Variants in INSL6 observed in about 807,000 individuals in gnomAD.
INSL6 encodes insulin-like peptide INSL6.
Under a neutral mutation model 9.4 loss-of-function variants are expected in INSL6, and 16 were observed. The observed-to-expected ratio is 1.70, with a 90% CI of 1.15 to 2.59. The LOEUF is 2.59. Ranked by LOEUF, INSL6 falls within the 30% of genes most tolerant of loss-of-function variation. The probability of loss-of-function intolerance (pLI) is 0.00; values close to 1 mark genes in which losing one functional copy is unlikely to be tolerated. For missense variants in INSL6, 391 were observed against 257.3 expected (o/e 1.52, Z -3.56); for synonymous variants, 154 against 96.9 (o/e 1.59, Z -3.46).
the INSL6 span, chr9:5,050,564 C>G: frequency 1.0e-6 from 1 of 997,256 alleles, no homozygotes; most frequent in Non-Finnish European, 1.5e-6. Context: ...AGCCACTGAG[C>G]CTGGCCAATT....
At chr9:5,135,837 T>G (rs957399093) in intron 2 of INSL6, among the ~76,000 whole-genome samples, 2 of 151,882 alleles carry the variant, frequency 1.3e-5, no homozygotes, top group African/African-American at 4.8e-5. Context: ...ATCCAGGAGC[T>G]GGTTTTTTGA....
At chr9:5,179,867 G>C (rs1466192722) in intron 1 of INSL6, among the ~76,000 whole-genome samples, 2 of 152,166 alleles carry the variant, frequency 1.3e-5, no homozygotes, top group African/African-American at 2.4e-5. Flanking sequence ...GGAAGGGAAA[G>C]TATCAGGAGG....
chr9:5,082,087 C>G, the INSL6 span, among the ~76,000 whole-genome samples: 7 of 152,118 alleles, frequency 4.6e-5, no homozygotes, highest in Non-Finnish European at 1.0e-4. Flanking sequence ...CAGGTGGGAC[C>G]AGAGACTGAG....
At chr9:5,078,252 T>C in the INSL6 span, 2 of 1,444,884 alleles carry the variant, frequency 1.4e-6, no homozygotes, top group Non-Finnish European at 1.9e-6. Flanking sequence ...ACATACTAAA[T>C]GCTCCAGTAC....
At chr9:5,091,578 C>G in the INSL6 span, 1 of 151,836 alleles carries the variant, frequency 6.6e-6, no homozygotes, top group Non-Finnish European at 1.5e-5. Context: ...GTATTTTTGT[C>G]GCAATTGAAA....
In INSL6 at chr9:5,185,386, C is replaced by T. The variant is rs539770695; in HGVS notation, c.217G>A (p.Glu73Lys). Residue 73 changes from glutamate (E) to lysine (K), a missense_variant, in exon 1 of 2, where the codon GAA (glutamate) becomes AAA (lysine). Glu to Lys is a moderately conservative substitution (Grantham distance 56). Coordinates refer to ENST00000381641, the MANE Select transcript of INSL6 (RefSeq NM_007179.3). ...TCGAACTGGTATGGGCTGTAGGCTTCGACCTTCTCCGAGGCCTGTGCAATC... is the reference window on the plus strand; with the variant it reads ...TCGAACTGGTATGGGCTGTAGGCTTTGACCTTCTCCGAGGCCTGTGCAATC... Reference protein sequence around the residue: ...RLIAQASEKVEAYSPYQFESP... With the variant: ...RLIAQASEKVKAYSPYQFESP... 1.2e-5 allele frequency: 19 copies of T among 1,614,148 alleles called. No individual in the cohort carries two copies. In the African/African-American group the frequency reaches 1.6e-4, roughly 14 times the overall value.
At chr9:5,127,310 G>T (rs1471284635) in intron 3 of INSL6, 1 of 232,032 alleles carries the variant, frequency 4.3e-6, no homozygotes, top group East Asian at 6.1e-5. Context: ...AAGATGTTCA[G>T]ATAATTGAAT....
the INSL6 span, among the ~76,000 whole-genome samples, chr9:5,003,296 A>C: frequency 6.6e-6 from 1 of 152,024 alleles, no homozygotes; most frequent in Non-Finnish European, 1.5e-5. Flanking sequence ...CTATAGATTA[A>C]TTTGGAAAAG....
At chr9:5,049,196 CTTTA>C in the INSL6 span, among the ~76,000 whole-genome samples, 1 of 152,182 alleles carries the variant, frequency 6.6e-6, no homozygotes, top group African/African-American at 2.4e-5. Context: ...CGTAAATACA[CTTTA>C]TTTTCTTCAA....
chr9:5,013,190 T>C, the INSL6 span, among the ~76,000 whole-genome samples: 141 of 152,324 alleles, frequency 9.3e-4, 1 homozygote, highest in Non-Finnish European at 1.8e-3. Context: ...AGCACTTTTT[T>C]TCTAATAACT....
At chr9:4,992,429 T>G in the INSL6 span, among the ~76,000 whole-genome samples, 1 of 152,166 alleles carries the variant, frequency 6.6e-6, no homozygotes, top group Non-Finnish European at 1.5e-5. Context: ...AGTGGCAAGT[T>G]CACACTGCAG....
At chr9:5,086,812 T>C in the INSL6 span, among the ~76,000 whole-genome samples, 60 of 152,310 alleles carry the variant, frequency 3.9e-4, no homozygotes, top group East Asian at 7.9e-3. Flanking sequence ...TTTCTTCTTA[T>C]TGGAACGTAA....
intron 2 of INSL6, among the ~76,000 whole-genome samples, chr9:5,152,427 G>C (rs1586864672): frequency 1.3e-5 from 2 of 151,970 alleles, no homozygotes; most frequent in East Asian, 1.9e-4. Context: ...TGAAACATTA[G>C]CAATTTTAAA....
At chr9:5,089,979 C>T in the INSL6 span, 7 of 560,878 alleles carry the variant, frequency 1.2e-5, no homozygotes, top group African/African-American at 7.8e-5. Context: ...GAGGGAGAGG[C>T]ATTCTATAAT....
At chr9:5,149,543 A>T (rs1052045296) in intron 2 of INSL6, among the ~76,000 whole-genome samples, 1 of 152,212 alleles carries the variant, frequency 6.6e-6, no homozygotes, top group African/African-American at 2.4e-5. Flanking sequence ...AAGGATATGA[A>T]AGATCTCTAT....
At chr9:5,156,190 T>C (rs768107660) in intron 2 of INSL6, among the ~76,000 whole-genome samples, 16 of 152,202 alleles carry the variant, frequency 1.1e-4, no homozygotes, top group Non-Finnish European at 2.4e-4. Context: ...AGTAGATCTA[T>C]AACTTTTCAA....
At chr9:5,162,626 A>C (rs1824950349), downstream of INSL6, among the ~76,000 whole-genome samples, 1 of 152,184 alleles carries the variant, frequency 6.6e-6, no homozygotes, top group Non-Finnish European at 1.5e-5. Flanking sequence ...ACCGTAATAT[A>C]ATCTGTCATT....
chr9:5,025,385 G>GT, the INSL6 span, among the ~76,000 whole-genome samples: 1 of 152,050 alleles, frequency 6.6e-6, no homozygotes, highest in African/African-American at 2.4e-5. Flanking sequence ...TTCATGTTTG[G>GT]TTGAACTCAA....
At chr9:5,157,616 C>A (rs1824839530) in intron 2 of INSL6, among the ~76,000 whole-genome samples, 1 of 152,142 alleles carries the variant, frequency 6.6e-6, no homozygotes, top group East Asian at 1.9e-4. Flanking sequence ...AATTACAGAA[C>A]TTCCAGAAGA....
Sources: gnomAD v4.1 joint callset for allele counts (sites outside exome capture counted in the v4.1 genomes callset) on GRCh38, gnomAD v4.1.1 for gene constraint, MANE v1.5 for transcripts, NCBI Gene and HGNC (gene_info 2026-07-23, HGNC 2026-07-21) for gene names.